RBFOX1: variants seen among roughly 807,000 people sequenced by gnomAD.
The protein encoded by RBFOX1 is RNA binding fox-1 homolog 1, also known as RNA binding protein fox-1 homolog 1.
RBFOX1 carries 8 observed loss-of-function variants against 57.7 expected under a neutral mutation model. The observed-to-expected ratio is 0.14, with a 90% CI of 0.08 to 0.25. The LOEUF (loss-of-function observed/expected upper bound fraction) is 0.25. Among genes scored for constraint, RBFOX1 ranks in the 10% least tolerant of loss-of-function variants. RBFOX1 has a pLI of 1.00. For synonymous variants in RBFOX1, 326 were observed against 222.4 expected (o/e 1.47, Z -4.15); for missense variants, 611 against 548.5 (o/e 1.11, Z -1.14).
intron 2 of RBFOX1, among the ~76,000 whole-genome samples, chr16:6,515,513 A>C (rs1166308415): frequency 6.6e-6 from 1 of 152,214 alleles, no homozygotes; most frequent in Non-Finnish European, 1.5e-5. Context: ...ATGGCCAGTT[A>C]CATTGTTCCC....
intron 3 of RBFOX1, among the ~76,000 whole-genome samples, chr16:5,859,843 G>A (rs954930034): frequency 6.6e-6 from 1 of 152,298 alleles, no homozygotes; most frequent in South Asian, 2.1e-4. Context: ...TATACCTCAA[G>A]ATACTGTGGG....
chr16:6,514,910 G>C (rs2096342514), intron 2 of RBFOX1, among the ~76,000 whole-genome samples: 1 of 152,038 alleles, frequency 6.6e-6, no homozygotes. Context: ...AAAAGAGGGA[G>C]AGAAAAGGGG....
intron 3 of RBFOX1, among the ~76,000 whole-genome samples, chr16:6,834,622 G>C (rs1207236139): frequency 6.6e-6 from 1 of 152,134 alleles, no homozygotes; most frequent in Admixed American, 6.5e-5. Context: ...GGATGACTAA[G>C]CAAGGGTAGA....
At chr16:7,179,788 G>T (rs151174297) in intron 4 of RBFOX1, among the ~76,000 whole-genome samples, 2 of 152,044 alleles carry the variant, frequency 1.3e-5, no homozygotes, top group African/African-American at 4.8e-5. Context: ...AGTCTGGAAT[G>T]CAGTGGCATG....
chr16:7,655,887 A>G (rs1302001038), intron 12 of RBFOX1, among the ~76,000 whole-genome samples: 1 of 152,222 alleles, frequency 6.6e-6, no homozygotes, highest in Non-Finnish European at 1.5e-5. Context: ...TAAAATCAAA[A>G]TTAAATTAGC....
intron 2 of RBFOX1, among the ~76,000 whole-genome samples, chr16:5,482,966 C>G (rs1390471345): frequency 6.6e-6 from 1 of 152,132 alleles, no homozygotes; most frequent in Non-Finnish European, 1.5e-5. Context: ...CTCTTTCTAT[C>G]CCTTTGAATT....
At chr16:6,275,939 G>T (rs1479907775) in intron 1 of RBFOX1, among the ~76,000 whole-genome samples, 2 of 152,150 alleles carry the variant, frequency 1.3e-5, no homozygotes, top group Non-Finnish European at 2.9e-5. Flanking sequence ...TGGCAAGCCA[G>T]GGTGAGTTTT....
chr16:7,408,396 A>G (rs906318668), intron 4 of RBFOX1, among the ~76,000 whole-genome samples: 6 of 152,210 alleles, frequency 3.9e-5, no homozygotes, highest in Non-Finnish European at 7.3e-5. Context: ...ACAGTAAACC[A>G]TTCAAAACTG....
intron 4 of RBFOX1, among the ~76,000 whole-genome samples, chr16:7,189,836 T>A (rs1331314986): frequency 6.6e-6 from 1 of 152,204 alleles, no homozygotes; most frequent in Non-Finnish European, 1.5e-5. Flanking sequence ...AAGAATCTGT[T>A]CACCATTGTA....
chr16:5,832,448 G>T (rs1041413403), intron 3 of RBFOX1, among the ~76,000 whole-genome samples: 5 of 152,190 alleles, frequency 3.3e-5, no homozygotes, highest in Non-Finnish European at 7.3e-5. Context: ...GTGTGCCTTA[G>T]TTTCCACAAC....
intron 4 of RBFOX1, among the ~76,000 whole-genome samples, chr16:7,187,394 A>G (rs930356485): frequency 5.3e-5 from 8 of 152,130 alleles, no homozygotes; most frequent in Admixed American, 1.3e-4. Context: ...ATATGATACT[A>G]TAAGAAAGCC....
rs185042279 is a variant in RBFOX1, at chr16:6,789,832, C to T, written c.-16+135182C>T. Among the ~76,000 whole-genome samples the T allele has an allele frequency of 2.0e-5, 3 of 152,022 alleles. No homozygotes were observed. In the South Asian group the frequency reaches 6.2e-4, roughly 32 times the overall value. ...CTCATTTTCTGTCTTTGTGCTTTCTCCCACCTTTTTCTTCATTAAGTGGTT... is the reference window on the plus strand; with the variant it reads ...CTCATTTTCTGTCTTTGTGCTTTCTTCCACCTTTTTCTTCATTAAGTGGTT... On this transcript the variant is annotated intron_variant, in intron 3 of 15. Coordinates refer to ENST00000550418, the MANE Select transcript of RBFOX1 (RefSeq NM_018723.4).
At chr16:6,272,455 G>A (rs1423695283) in intron 1 of RBFOX1, among the ~76,000 whole-genome samples, 1 of 152,032 alleles carries the variant, frequency 6.6e-6, no homozygotes, top group East Asian at 1.9e-4. Context: ...AAAATTTAAG[G>A]GGAGACATCA....
intron 3 of RBFOX1, among the ~76,000 whole-genome samples, chr16:6,999,094 C>G (rs939632569): frequency 1.3e-5 from 2 of 150,648 alleles, no homozygotes; most frequent in Non-Finnish European, 1.5e-5. Context: ...GTCTTGAACT[C>G]CTGACTTCAG....
intron 2 of RBFOX1, among the ~76,000 whole-genome samples, chr16:6,604,700 G>A (rs2097902451): frequency 6.6e-6 from 1 of 152,120 alleles, no homozygotes; most frequent in African/African-American, 2.4e-5. Flanking sequence ...ATATACACAT[G>A]CACACACACG....
At chr16:6,712,095 C>T (rs2063809515) in intron 3 of RBFOX1, among the ~76,000 whole-genome samples, 1 of 152,166 alleles carries the variant, frequency 6.6e-6, no homozygotes, top group African/African-American at 2.4e-5. Context: ...CTACCTAGAA[C>T]AGACTTATTA....
chr16:5,909,055 A>G (rs1490115272), intron 4 of RBFOX1, among the ~76,000 whole-genome samples: 1 of 131,382 alleles, frequency 7.6e-6, no homozygotes, highest in East Asian at 2.4e-4. Flanking sequence ...AGTTCATGGT[A>G]TTTTATTATA....
chr16:5,881,346 T>C (rs4141199), intron 4 of RBFOX1, among the ~76,000 whole-genome samples: 107,754 of 152,096 alleles, frequency 0.71, 39,456 homozygotes, highest in African/African-American at 0.9. Flanking sequence ...GGTTTTAACC[T>C]GTGGCTTCTT....
intron 4 of RBFOX1, among the ~76,000 whole-genome samples, chr16:5,877,003 T>A (rs1206177799): frequency 6.6e-6 from 1 of 152,134 alleles, no homozygotes; most frequent in South Asian, 2.1e-4. Flanking sequence ...GTGAGTTAAA[T>A]TGGTTGATTG....
Sources: allele counts gnomAD v4.1 joint callset (sites outside exome capture counted in the v4.1 genomes callset), GRCh38; gene constraint gnomAD v4.1.1; transcripts MANE v1.5; gene names NCBI Gene and HGNC (gene_info 2026-07-23, HGNC 2026-07-21).